Variants in MACROD2 observed in about 807,000 individuals in gnomAD.
MACROD2 encodes the protein mono-ADP ribosylhydrolase 2, also known as ADP-ribose glycohydrolase MACROD2.
Under a neutral mutation model 70.4 loss-of-function variants are expected in MACROD2, and 36 were observed. The ratio of observed to expected loss-of-function variants is 0.51; its 90% CI spans 0.39 to 0.68. The LOEUF (loss-of-function observed/expected upper bound fraction) is 0.68. Among genes scored for constraint, MACROD2 ranks in the 30% least tolerant of loss-of-function variants. The pLI, the probability that MACROD2 is intolerant of heterozygous loss-of-function variation, is 0.00. For synonymous variants in MACROD2, 172 were observed against 178.8 expected (o/e 0.96, Z 0.30); for missense variants, 496 against 538.4 (o/e 0.92, Z 0.78).
chr20:15,798,634 T>C (rs1318594931), intron 8 of MACROD2, among the ~76,000 whole-genome samples: 1 of 152,190 alleles, frequency 6.6e-6, no homozygotes, highest in Non-Finnish European at 1.5e-5. Context: ...GAAGGGTATG[T>C]ATGATGGGAG....
At chr20:14,179,199 C>G (rs2081287822) in intron 3 of MACROD2, among the ~76,000 whole-genome samples, 1 of 152,116 alleles carries the variant, frequency 6.6e-6, no homozygotes, top group Non-Finnish European at 1.5e-5. Flanking sequence ...GGAGCATAGT[C>G]TCTTGTGGGA....
At chr20:14,247,806 A>T (rs2081979488) in intron 3 of MACROD2, among the ~76,000 whole-genome samples, 1 of 152,240 alleles carries the variant, frequency 6.6e-6, no homozygotes, top group Admixed American at 6.5e-5. Flanking sequence ...AAAAAAATTC[A>T]TGAGGCAGAT....
At chr20:14,384,335 GA>G (rs1381032243) in intron 3 of MACROD2, among the ~76,000 whole-genome samples, 3 of 152,096 alleles carry the variant, frequency 2.0e-5, no homozygotes, top group South Asian at 2.1e-4. Flanking sequence ...CTAATATTGG[GA>G]AAAAAAGTTT....
At chr20:14,245,105 C>G (rs1359956322) in intron 3 of MACROD2, among the ~76,000 whole-genome samples, 2 of 152,114 alleles carry the variant, frequency 1.3e-5, no homozygotes, top group African/African-American at 4.8e-5. Flanking sequence ...TGGCTCATGC[C>G]TGTAATCCCA....
chr20:15,822,705 T>C (rs1252037564), intron 8 of MACROD2, among the ~76,000 whole-genome samples: 3 of 152,216 alleles, frequency 2.0e-5, no homozygotes, highest in Admixed American at 1.3e-4. Context: ...GTGATTTTTA[T>C]ATACATATTT....
At chr20:14,721,128 G>T (rs532746202) in intron 5 of MACROD2, among the ~76,000 whole-genome samples, 1 of 151,360 alleles carries the variant, frequency 6.6e-6, no homozygotes, top group South Asian at 2.1e-4. Context: ...GGCGTTGGGC[G>T]CCTGTAGTCC....
At chr20:15,578,662 G>A (rs1192385393) in intron 8 of MACROD2, among the ~76,000 whole-genome samples, 3 of 21,678 alleles carry the variant, frequency 1.4e-4, no homozygotes, top group South Asian at 6.0e-3. Flanking sequence ...GCAGTGGCTA[G>A]AAGGAGGAAC....
chr20:14,773,028 C>G (rs1215430698), intron 5 of MACROD2, among the ~76,000 whole-genome samples: 1 of 151,900 alleles, frequency 6.6e-6, no homozygotes, highest in East Asian at 1.9e-4. Context: ...TCAGCTTCAG[C>G]CATCACACCC....
At chr20:14,875,970 C>G (rs1016559279) in intron 5 of MACROD2, among the ~76,000 whole-genome samples, 1 of 152,140 alleles carries the variant, frequency 6.6e-6, no homozygotes, top group East Asian at 1.9e-4. Context: ...TTATTGTCCT[C>G]TGGTTATATA....
rs181505121 is a variant in MACROD2, at chr20:15,854,836, T to C, written c.646-7909T>C. On this transcript the variant is annotated intron_variant, in intron 8 of 17. Transcript: ENST00000684519. ...TCACTTATCCTGGTCCTCCAACCTC[T>C]CAAAACCTGTCTTTGTACAAATTTG... Among the ~76,000 whole-genome samples, 29 of 152,332 alleles carry C rather than the reference T, an allele frequency of 1.9e-4. No individual in the cohort carries two copies. In the East Asian group the frequency reaches 4.1e-3, roughly 21 times the overall value.
chr20:15,122,900 A>G (rs918681333), intron 5 of MACROD2, among the ~76,000 whole-genome samples: 1 of 152,196 alleles, frequency 6.6e-6, no homozygotes, highest in Admixed American at 6.5e-5. Flanking sequence ...ATGAACTAAT[A>G]TGACCCAGCC....
At chr20:14,020,716 T>C (rs2053064756) in intron 2 of MACROD2, among the ~76,000 whole-genome samples, 1 of 152,194 alleles carries the variant, frequency 6.6e-6, no homozygotes, top group Non-Finnish European at 1.5e-5. Flanking sequence ...CCTGAGACTT[T>C]CCAAACAATT....
chr20:14,474,813 C>T (rs2084571958), intron 3 of MACROD2, among the ~76,000 whole-genome samples: 2 of 152,056 alleles, frequency 1.3e-5, no homozygotes, highest in Admixed American at 1.3e-4. Context: ...TTTCCATTTG[C>T]ATGGAAAGTC....
intron 8 of MACROD2, among the ~76,000 whole-genome samples, chr20:15,719,204 A>G (rs2050749582): frequency 6.6e-6 from 1 of 152,224 alleles, no homozygotes; most frequent in African/African-American, 2.4e-5. Context: ...TGATTTCTTA[A>G]GAAATAAGCA....
intron 3 of MACROD2, among the ~76,000 whole-genome samples, chr20:14,469,732 G>A (rs1007856048): frequency 6.6e-6 from 1 of 151,544 alleles, no homozygotes; most frequent in Admixed American, 6.6e-5. Flanking sequence ...TATTGATAAG[G>A]TATCATGCTT....
chr20:15,826,387 A>T (rs1207209143), intron 8 of MACROD2, among the ~76,000 whole-genome samples: 1 of 152,242 alleles, frequency 6.6e-6, no homozygotes, highest in African/African-American at 2.4e-5. Context: ...GTTCTACTGC[A>T]TATGCCAGAC....
chr20:14,395,427 CT>C (rs2083571029), intron 3 of MACROD2, among the ~76,000 whole-genome samples: 1 of 152,040 alleles, frequency 6.6e-6, no homozygotes, highest in Non-Finnish European at 1.5e-5. Context: ...CATATGTAAT[CT>C]GTTAAAATGT....
At chr20:15,209,392 A>AT (rs1460852614) in intron 5 of MACROD2, among the ~76,000 whole-genome samples, 2 of 151,856 alleles carry the variant, frequency 1.3e-5, no homozygotes, top group African/African-American at 2.4e-5. Context: ...AGAGCTAGAT[A>AT]TTTTTTGCTT....
In MACROD2 at chr20:15,435,561, C is replaced by G. The variant is rs2046417591; in HGVS notation, c.571+4126C>G. 2.0e-5 allele frequency among the ~76,000 whole-genome samples: 3 copies of G among 152,108 alleles called. No homozygotes were observed. In the South Asian group the frequency reaches 6.2e-4, roughly 32 times the overall value. ...CTGTCCTCCCCAGTGTTTGGTATTG[C>G]CAGTCTCTAAAATTGTTGCCAATTT... On this transcript the variant is annotated intron_variant, in intron 7 of 17. Transcript: ENST00000684519.
Sources: gnomAD v4.1 joint callset for allele counts (sites outside exome capture counted in the v4.1 genomes callset) on GRCh38, gnomAD v4.1.1 for gene constraint, MANE v1.5 for transcripts, NCBI Gene and HGNC (gene_info 2026-07-23, HGNC 2026-07-21) for gene names.